Variants in PPP3CA observed in about 807,000 individuals in gnomAD.
The protein encoded by PPP3CA is CAM-PRP catalytic subunit.
Under a neutral mutation model 66.5 loss-of-function variants are expected in PPP3CA, and 14 were observed. The ratio of observed to expected loss-of-function variants is 0.21; its 90% CI spans 0.14 to 0.33. PPP3CA has a LOEUF of 0.33. Among genes scored for constraint, PPP3CA ranks in the 10% least tolerant of loss-of-function variants. The probability of loss-of-function intolerance (pLI) is 1.00; values close to 1 mark genes in which losing one functional copy is unlikely to be tolerated. For missense variants in PPP3CA, 317 were observed against 639.5 expected (o/e 0.50, Z 5.44); for synonymous variants, 232 against 226.2 (o/e 1.03, Z -0.23).
At chr4:101,344,116 A>C (rs1270047144) in intron 1 of PPP3CA, among the ~76,000 whole-genome samples, 1 of 152,196 alleles carries the variant, frequency 6.6e-6, no homozygotes, top group African/African-American at 2.4e-5. Flanking sequence ...GAATGAGTTA[A>C]ATAGCCATTG....
At chr4:101,038,835 G>C (rs1285837155) in intron 11 of PPP3CA, among the ~76,000 whole-genome samples, 1 of 151,946 alleles carries the variant, frequency 6.6e-6, no homozygotes, top group Non-Finnish European at 1.5e-5. Flanking sequence ...TATGTGTTAT[G>C]GATGCTTTTA....
chr4:101,277,605 T>C (rs1727543076), intron 1 of PPP3CA, among the ~76,000 whole-genome samples: 1 of 152,200 alleles, frequency 6.6e-6, no homozygotes, highest in Non-Finnish European at 1.5e-5. Flanking sequence ...CTACAATTCC[T>C]GTTAGACAAA....
At chr4:101,131,946 A>G (rs1374472239) in intron 2 of PPP3CA, among the ~76,000 whole-genome samples, 1 of 152,218 alleles carries the variant, frequency 6.6e-6, no homozygotes, top group Non-Finnish European at 1.5e-5. Flanking sequence ...AGGATTAAGA[A>G]AGCCACTCAA....
chr4:101,080,644 A>C lies in PPP3CA; in HGVS notation c.861-18T>G. On this transcript the variant is annotated intron_variant, in intron 7 of 13. Transcript: ENST00000394854. ...TGCGGTACCTAAAAAGAACAAATAC[A>C]GTCAAAACAAAGCTTGTATGGAAAA... 7.2e-7 allele frequency: 1 copy of C among 1,385,900 alleles called. No individual in the cohort carries two copies. Among genetic ancestry groups the C allele is most frequent in the Non-Finnish European group, 9.8e-7 (1 of 1,022,042 alleles). The allele number at this position is 1,385,900 out of a possible 1,614,324, so 85.9% of individuals were successfully genotyped here.
intron 1 of PPP3CA, among the ~76,000 whole-genome samples, chr4:101,234,677 C>T (rs976270084): frequency 6.6e-6 from 1 of 151,452 alleles, no homozygotes; most frequent in African/African-American, 2.4e-5. Flanking sequence ...GAACCAATTG[C>T]TTGGCAAATT....
At chr4:101,200,076 T>C (rs1254100828) in intron 1 of PPP3CA, among the ~76,000 whole-genome samples, 1 of 152,126 alleles carries the variant, frequency 6.6e-6, no homozygotes, top group South Asian at 2.1e-4. Flanking sequence ...AAACATGTGT[T>C]CAGTAGCATA....
intron 3 of PPP3CA, among the ~76,000 whole-genome samples, chr4:101,103,993 T>C (rs1730552485): frequency 6.6e-6 from 1 of 152,206 alleles, no homozygotes; most frequent in Non-Finnish European, 1.5e-5. Flanking sequence ...TTGGGCTAAC[T>C]TTGTGGGAAA....
At chr4:101,329,544 G>T (rs1472342870) in intron 1 of PPP3CA, among the ~76,000 whole-genome samples, 1 of 152,186 alleles carries the variant, frequency 6.6e-6, no homozygotes, top group African/African-American at 2.4e-5. Flanking sequence ...CAATAGGGAT[G>T]AAACAGCCTT....
At chr4:101,055,151 T>C (rs975457576) in intron 10 of PPP3CA, among the ~76,000 whole-genome samples, 2 of 152,084 alleles carry the variant, frequency 1.3e-5, no homozygotes, top group African/African-American at 4.8e-5. Flanking sequence ...ATTCCTAACT[T>C]ACAAAACTAT....
rs539578443 is a variant in PPP3CA at position 101,091,541 on chromosome 4, C to T, written c.782+2235G>A. Among the ~76,000 whole-genome samples the T allele has an allele frequency of 3.9e-5, 6 of 152,110 alleles. No individual in the cohort carries two copies. The South Asian group carries it at 1.2e-3, about 31-fold the overall frequency. ...ATACTTTGAAAGACGCTTTATAGTGCACTAGATTTTCTATTCATGAACTTT... is the reference window on the plus strand; with the variant it reads ...ATACTTTGAAAGACGCTTTATAGTGTACTAGATTTTCTATTCATGAACTTT... On this transcript the variant is annotated intron_variant, in intron 6 of 13. Coordinates refer to ENST00000394854, the MANE Select transcript of PPP3CA (RefSeq NM_000944.5).
intron 13 of PPP3CA, among the ~76,000 whole-genome samples, chr4:101,028,153 C>A (rs745614480): frequency 1.3e-5 from 2 of 151,992 alleles, no homozygotes; most frequent in Non-Finnish European, 2.9e-5. Flanking sequence ...TTGTATCACA[C>A]CAAAGGACCA....
intron 1 of PPP3CA, among the ~76,000 whole-genome samples, chr4:101,239,016 T>TG (rs1350249574): frequency 1.3e-5 from 2 of 152,234 alleles, no homozygotes; most frequent in Admixed American, 1.3e-4. Context: ...TTCCTCCATC[T>TG]ACAAACACTG....
intron 1 of PPP3CA, among the ~76,000 whole-genome samples, chr4:101,210,464 A>G (rs1486789193): frequency 2.1e-4 from 32 of 152,212 alleles, no homozygotes; most frequent in Non-Finnish European, 2.9e-5. Context: ...TAATATTTGT[A>G]AAGTGCTTGG....
intron 1 of PPP3CA, among the ~76,000 whole-genome samples, chr4:101,287,907 T>C (rs1727895811): frequency 6.6e-6 from 1 of 151,990 alleles, no homozygotes; most frequent in South Asian, 2.1e-4. Context: ...GCAAATAAAA[T>C]ACAGTTTTCA....
intron 1 of PPP3CA, among the ~76,000 whole-genome samples, chr4:101,239,125 TAGTAAAG>T (rs768888092): frequency 3.9e-5 from 6 of 152,112 alleles, no homozygotes; most frequent in Non-Finnish European, 7.4e-5. Context: ...TTGCCAATAG[TAGTAAAG>T]AGGCTAATAT....
chr4:101,174,696 A>C (rs1204792492), intron 2 of PPP3CA, among the ~76,000 whole-genome samples: 1 of 152,184 alleles, frequency 6.6e-6, no homozygotes. Context: ...AAGGACATGA[A>C]GTGTAAGTCT....
In PPP3CA at chr4:101,025,958, G is replaced by A. The variant is rs772699276; in HGVS notation, c.1473C>T (p.Pro491=). 2 of 1,613,886 alleles carry A rather than the reference G, an allele frequency of 1.2e-6. No homozygotes were observed. Among genetic ancestry groups the A allele is most frequent in the Non-Finnish European group, 1.7e-6 (2 of 1,179,884 alleles). The change falls in exon 14 of 14, where the codon CCC becomes CCT. Residue 491 remains proline, a synonymous_variant. Transcript: ENST00000394854. ...ERMPPRRDAM[P]SDANLNSINK... Reference sequence around the variant, plus strand: ...TGATGGAGTTAAGGTTGGCGTCAGAGGGCATGGCATCTCTGCGAGGCGGCA... The same window carrying A: ...TGATGGAGTTAAGGTTGGCGTCAGAAGGCATGGCATCTCTGCGAGGCGGCA...
At chr4:101,261,016 A>AT (rs1330820897) in intron 1 of PPP3CA, among the ~76,000 whole-genome samples, 1 of 152,086 alleles carries the variant, frequency 6.6e-6, no homozygotes, top group African/African-American at 2.4e-5. Flanking sequence ...AGAACAAATG[A>AT]TTTTTTGACA....
chr4:101,275,850 G>A (rs1385321237), intron 1 of PPP3CA, among the ~76,000 whole-genome samples: 1 of 147,392 alleles, frequency 6.8e-6, no homozygotes, highest in African/African-American at 2.6e-5. Flanking sequence ...TGTTTTCTGT[G>A]TGTATGTGTG....
Sources: gnomAD v4.1 joint callset for allele counts (sites outside exome capture counted in the v4.1 genomes callset) on GRCh38, gnomAD v4.1.1 for gene constraint, MANE v1.5 for transcripts, NCBI Gene and HGNC (gene_info 2026-07-23, HGNC 2026-07-21) for gene names.